The following PPP1R13L variants were observed in gnomAD, a reference collection of about 807,000 sequenced individuals.
PPP1R13L encodes the protein protein phosphatase 1 regulatory subunit 13 like, also known as relA-associated inhibitor.
In PPP1R13L, 50 loss-of-function variants were observed where a neutral mutation model predicts 80.9. That is an observed-to-expected ratio of 0.62 (90% CI 0.49 to 0.78). The LOEUF (loss-of-function observed/expected upper bound fraction) is 0.78, where lower values mean the gene tolerates loss of function less well. PPP1R13L is among the 30% of genes least tolerant of loss of function. PPP1R13L has a pLI of 0.00. For synonymous variants in PPP1R13L, 602 were observed against 534.3 expected (o/e 1.13, Z -1.75); for missense variants, 1,200 against 1,205.9 (o/e 1.00, Z 0.07).
chr19:45,382,179 AGCACAGATGGC>A (rs1179160572), intron 12 of PPP1R13L, among the ~76,000 whole-genome samples: 1 of 152,174 alleles, frequency 6.6e-6, no homozygotes, highest in Non-Finnish European at 1.5e-5. Flanking sequence ...GGTTGCAGTG[AGCACAGATGGC>A]GCCATTGCAC....
In PPP1R13L at chr19:45,382,834, A is replaced by G. The variant is rs915749914; in HGVS notation, c.2249-108T>C. ...CTGGAATTTGGCGCCTGTCCCAGCAACCACCTGAAATGTTGTGTGTGCCCA... is the reference window on the plus strand; with the variant it reads ...CTGGAATTTGGCGCCTGTCCCAGCAGCCACCTGAAATGTTGTGTGTGCCCA... On this transcript the variant is annotated intron_variant, in intron 11 of 12. Transcript: ENST00000360957. 9.1e-6 allele frequency: 9 copies of G among 987,018 alleles called. No homozygotes were observed. The Admixed American group carries it at 1.6e-4, about 17-fold the overall frequency. 61.1% of individuals were successfully genotyped at this position (987,018 alleles called of 1,614,324 possible).
chr19:45,392,577 C>T (rs1973000330), intron 7 of PPP1R13L: 3 of 625,212 alleles, frequency 4.8e-6, no homozygotes, highest in Admixed American at 4.6e-5. Flanking sequence ...TTATTGTAAT[C>T]TCACCACTGC....
rs749188436 is a variant in PPP1R13L at position 45,386,224 on chromosome 19, A to G, written c.1816-44T>C. The G allele has an allele frequency of 2.7e-6, 4 of 1,462,888 alleles. No homozygotes were observed. The South Asian group carries it at 4.3e-5, about 16-fold the overall frequency. The allele number at this position is 1,462,888 out of a possible 1,614,324, so 90.6% of individuals were successfully genotyped here. A position where few individuals can be genotyped will look rare whatever the true frequency, so the allele number is the denominator to read the frequency against. On this transcript the variant is annotated intron_variant, in intron 8 of 12. Coordinates refer to ENST00000360957, the MANE Select transcript of PPP1R13L (RefSeq NM_006663.4). ...AGGTCAGCGACTTGGAGGGATTGTT[A>G]GTATATCCATGATCTAGAGTAGGAA... is the stretch of plus-strand genomic sequence containing the variant.
Position 45,385,843 on chromosome 19 carries a change from A to C in PPP1R13L, c.2062T>G (p.Ser688Ala). 1 of 1,610,946 alleles carries C rather than the reference A, an allele frequency of 6.2e-7. No homozygotes were observed. The highest frequency in any genetic ancestry group is 1.1e-5 in the South Asian group (1 of 90,880). Residue 688 changes from serine (S) to alanine (A), a missense_variant, in exon 10 of 13, where the codon TCC becomes GCC. Ser to Ala is a moderately conservative substitution (Grantham distance 99, BLOSUM62 1). Around this residue, in one of 5 missense-constraint regions of PPP1R13L, gnomAD observed 214 missense variants for 199.6 expected, o/e 1.07. Coordinates refer to ENST00000360957, the MANE Select transcript of PPP1R13L (RefSeq NM_006663.4). ...FLITAGANVN[S>A]PDSHGWTPLH... ...GCTCACCAGCCGTGGCTGTCGGGGG[A>C]GTTGACATTGGCACCCGCGGTGATG...
At position 45,399,357 on chromosome 19, in the gene PPP1R13L, G is replaced by A. The variant is rs924965684; in HGVS notation, c.-21-1018C>T. 4.7e-5 allele frequency among the ~76,000 whole-genome samples: 7 copies of A among 148,458 alleles called. No homozygotes were observed. The East Asian group carries it at 6.2e-4, about 13-fold the overall frequency. On this transcript the variant is annotated intron_variant, in intron 1 of 12. Coordinates refer to ENST00000360957, the MANE Select transcript of PPP1R13L (RefSeq NM_006663.4). The stretch of plus-strand genomic sequence containing the variant: ...AAAACAATATCCGCCGGGCGCGGTG[G>A]CTCACGCCTGTAATTCCAGCACTTT...
upstream of PPP1R13L, among the ~76,000 whole-genome samples, chr19:45,405,729 A>G (rs989678228): frequency 7.2e-5 from 11 of 152,318 alleles, no homozygotes; most frequent in African/African-American, 2.6e-4. Flanking sequence ...GTAGGATCCT[A>G]AATCTTGGCA....
chr19:45,382,653 C>T lies in PPP1R13L; in HGVS notation c.2322G>A (p.Gly774=), dbSNP rs777750671. Residue 774 remains glycine, a synonymous_variant, in exon 12 of 13, where the codon GGG becomes GGA. Transcript: ENST00000360957. ...YALWDYSAEF[G]DELSFREGES... The stretch of plus-strand genomic sequence containing the variant: ...CGCCCTCGCGGAAGGACAGCTCGTC[C>T]CCGAACTCGGCGCTGTAGTCCCAGA... 5.0e-6 allele frequency: 8 copies of T among 1,613,866 alleles called. No homozygotes were observed. In the South Asian group the frequency reaches 6.6e-5, roughly 13 times the overall value.
chr19:45,383,608 T>C (rs1295994231), intron 11 of PPP1R13L, among the ~76,000 whole-genome samples: 1 of 151,978 alleles, frequency 6.6e-6, no homozygotes, highest in African/African-American at 2.4e-5. Context: ...ATTTCCTTCT[T>C]GTACATTGCT....
At chr19:45,398,864 C>T (rs900749646) in intron 1 of PPP1R13L, among the ~76,000 whole-genome samples, 3 of 151,888 alleles carry the variant, frequency 2.0e-5, no homozygotes, top group African/African-American at 7.3e-5. Context: ...TGATCACCTA[C>T]AATGTGCCGG....
rs777438929 is a variant in PPP1R13L at position 45,396,269 on chromosome 19, G to T, written c.812-10C>A. The T allele has an allele frequency of 6.2e-7, 1 of 1,612,628 alleles. No homozygotes were observed. Among genetic ancestry groups the T allele is most frequent in the Admixed American group, 1.7e-5 (1 of 59,970 alleles). ...GCGAAGACGTCCAGGCCTGCGGGGC[G>T]GGAATCATTAGGGTCTGTGGGGCTG... On this transcript the variant is annotated splice_polypyrimidine_tract_variant and intron_variant, in intron 5 of 12. Coordinates refer to ENST00000360957, the MANE Select transcript of PPP1R13L (RefSeq NM_006663.4). The surrounding 1 kb of genome is among the most constrained non-coding windows in gnomAD (Gnocchi z 5.3).
chr19:45,383,461 A>T (rs1972807658), intron 11 of PPP1R13L, among the ~76,000 whole-genome samples: 1 of 150,838 alleles, frequency 6.6e-6, no homozygotes, highest in Non-Finnish European at 1.5e-5. Flanking sequence ...TGCCTGGCCA[A>T]TTTTTGTATC....
chr19:45,383,133 T>C (rs890222718), intron 11 of PPP1R13L, among the ~76,000 whole-genome samples: 5 of 150,716 alleles, frequency 3.3e-5, no homozygotes, highest in Admixed American at 6.6e-5. Context: ...TAGCTGGGAC[T>C]ACAGGCGCCC....
Position 45,384,475 on chromosome 19 carries a change from T to C in PPP1R13L, c.2248+1087A>G, listed in dbSNP as rs1474336097. Among the ~76,000 whole-genome samples, 5 of 151,502 alleles carry C rather than the reference T, an allele frequency of 3.3e-5. No homozygotes were observed. In the East Asian group the frequency reaches 7.8e-4, roughly 24 times the overall value. On this transcript the variant is annotated intron_variant, in intron 11 of 12. Transcript: ENST00000360957. ...GCTTTCACCGAGGAGGCAGAGGTTG[T>C]AGTGGGCTATGGTGCCATTGCACTC...
intron 8 of PPP1R13L, among the ~76,000 whole-genome samples, chr19:45,387,173 C>T (rs188530308): frequency 4.0e-5 from 6 of 151,706 alleles, no homozygotes; most frequent in African/African-American, 1.5e-4. Flanking sequence ...GAGGCTGAGG[C>T]AGGAGGATTA....
chr19:45,396,805 C>G lies in PPP1R13L; in HGVS notation c.452G>C (p.Ser151Thr). The G allele has an allele frequency of 1.4e-6, 2 of 1,419,846 alleles. No individual in the cohort carries two copies. The highest frequency in any genetic ancestry group is 1.8e-6 in the Non-Finnish European group (2 of 1,095,188). The allele number at this position is 1,419,846 out of a possible 1,614,324, so 88.0% of individuals were successfully genotyped here. Residue 151 changes from serine (S) to threonine (T), a missense_variant, in exon 4 of 13, where the codon AGC becomes ACC. Transcript: ENST00000360957. The surrounding 1 kb of genome is among the most constrained non-coding windows in gnomAD (Gnocchi z 5.3). ...CGGGGAGGGCGCACGGCCGAGGGAG[C>G]TGCCTGCGCCATCGAAGGCGCGGGG... ...PRPRAFDGAGSSLGRAPSPRP... is the reference protein window; with the variant it reads ...PRPRAFDGAGTSLGRAPSPRP...
chr19:45,396,531 GC>G lies in PPP1R13L; in HGVS notation c.712+13del. 3 of 1,580,364 alleles carry G rather than the reference GC, an allele frequency of 1.9e-6. No individual in the cohort carries two copies. The highest frequency in any genetic ancestry group is 1.7e-6 in the Non-Finnish European group (2 of 1,167,546). Reference sequence around the variant, plus strand: ...CCGCGAGTCAAAGGCCCCGCGAGGGGCCCCTGGGTTCACCTTGCGCGCGCAG... The same window carrying G: ...CCGCGAGTCAAAGGCCCCGCGAGGGGCCCTGGGTTCACCTTGCGCGCGCAG... On this transcript the variant is annotated intron_variant, in intron 4 of 12. Coordinates refer to ENST00000360957, the MANE Select transcript of PPP1R13L (RefSeq NM_006663.4). This position sits in a 1 kb window ranked among gnomAD's most constrained non-coding sequence, Gnocchi z 5.3.
chr19:45,397,395 C>CCTCTCTCTCCTTCCTTCCTTTCT (rs1568561431), intron 3 of PPP1R13L, among the ~76,000 whole-genome samples: 1 of 149,622 alleles, frequency 6.7e-6, no homozygotes, highest in East Asian at 2.0e-4. Flanking sequence ...TTCTTTCTTT[C>CCTCTCTCTCCTTCCTTCCTTTCT]CTCTCTCTCC....
At chr19:45,406,121 C>T, upstream of PPP1R13L, 2 of 205,108 alleles carry the variant, frequency 9.8e-6, no homozygotes, top group Non-Finnish European at 1.7e-5. This position sits in a 1 kb window ranked among gnomAD's most constrained non-coding sequence, Gnocchi z 4.2. Context: ...CCCGCTCCCC[C>T]GGAGTCCAGA....
intron 11 of PPP1R13L, among the ~76,000 whole-genome samples, chr19:45,383,460 A>G (rs1972807598): frequency 6.6e-6 from 1 of 150,828 alleles, no homozygotes; most frequent in Admixed American, 6.6e-5. Flanking sequence ...ATGCCTGGCC[A>G]ATTTTTGTAT....
Sources: gnomAD v4.1 joint callset for allele counts (sites outside exome capture counted in the v4.1 genomes callset) on GRCh38, gnomAD v4.1.1 for gene constraint, gnomAD v4.1.1 regional missense constraint, Gnocchi (gnomAD v3.1) non-coding constraint, MANE v1.5 for transcripts, NCBI Gene and HGNC (gene_info 2026-07-23, HGNC 2026-07-21) for gene names.